Variants in STMND1 observed in about 807,000 individuals in gnomAD.
STMND1 encodes stathmin domain-containing protein 1.
In STMND1, 17 loss-of-function variants were observed where a neutral mutation model predicts 23.0. The ratio of observed to expected loss-of-function variants is 0.74; its 90% confidence interval spans 0.51 to 1.11. The LOEUF is 1.11. Ranked by LOEUF, STMND1 falls within the 50% of genes least tolerant of loss-of-function variation. The pLI is 0.00. For synonymous variants in STMND1, 114 were observed against 119.9 expected (o/e 0.95, Z 0.32); for missense variants, 305 against 329.1 (o/e 0.93, Z 0.57).
Position 17,129,713 on chromosome 6 carries a change from G to A in STMND1, c.543+470G>A, listed in dbSNP as rs375976457. On this transcript the variant is annotated intron_variant, in intron 4 of 4. Coordinates refer to ENST00000536551, the MANE Select transcript of STMND1 (RefSeq NM_001190766.2). ...CAAAAAATTAGCCGGGCGTGGTGGC[G>A]GGCGCCTGTAGTCCCAGCTACTCGG... 1.6e-3 allele frequency among the ~76,000 whole-genome samples: 238 copies of A among 152,038 alleles called. 2 individuals carry two copies. The highest frequency in any genetic ancestry group is 5.4e-3 in the African/African-American group (222 of 41,486).
intron 2 of STMND1, 98 bp downstream of exon 2, chr6:17,115,237 T>C (rs1761143279): frequency 8.3e-7 from 1 of 1,201,780 alleles, no homozygotes; most frequent in African/African-American, 1.5e-5. Flanking sequence ...TATCATTGCT[T>C]TCTGGGCCAT....
chr6:17,116,267 C>G (rs1363284560), intron 2 of STMND1, among the ~76,000 whole-genome samples: 4 of 152,064 alleles, frequency 2.6e-5, no homozygotes, highest in African/African-American at 9.7e-5. Context: ...AGTCAGCCAC[C>G]AAAGCAGATG....
chr6:17,129,141 G>A lies in STMND1; in HGVS notation c.441G>A (p.Lys147=). ...CTACGACTGAGAAGCCATTGAGAAAGCCACCTTCCAGACTGAAAAAACTCA... is the reference window on the plus strand; with the variant it reads ...CTACGACTGAGAAGCCATTGAGAAAACCACCTTCCAGACTGAAAAAACTCA... ...TLTTTEKPLR[K]PPSRLKKLKI... Residue 147 remains lysine, a synonymous_variant, in exon 4 of 5, where the codon AAG becomes AAA. Coordinates refer to ENST00000536551, the MANE Select transcript of STMND1 (RefSeq NM_001190766.2). 1 of 1,535,912 alleles carries A rather than the reference G, an allele frequency of 6.5e-7. No homozygotes were observed. Among genetic ancestry groups the A allele is most frequent in the Non-Finnish European group, 8.7e-7 (1 of 1,146,822 alleles).
intron 1 of STMND1, among the ~76,000 whole-genome samples, chr6:17,112,729 A>T (rs1393381622): frequency 6.6e-6 from 1 of 152,166 alleles, no homozygotes; most frequent in Non-Finnish European, 1.5e-5. Flanking sequence ...GTGAGCCGAG[A>T]TTGCGCCACT....
intron 1 of STMND1, among the ~76,000 whole-genome samples, chr6:17,109,989 C>T (rs975907239): frequency 3.3e-5 from 5 of 152,226 alleles, no homozygotes. Flanking sequence ...GTGCCTTCCA[C>T]TGTCTACCCC....
At chr6:17,105,978 C>T (rs1356732386) in intron 1 of STMND1, among the ~76,000 whole-genome samples, 1 of 151,802 alleles carries the variant, frequency 6.6e-6, no homozygotes, top group Non-Finnish European at 1.5e-5. Context: ...CTGTCCTGGC[C>T]CATCCTGGAG....
chr6:17,126,034 TTATATATATATATATATATA>T lies in STMND1; in HGVS notation c.412-3060_412-3041del, dbSNP rs1176278436. Among the ~76,000 whole-genome samples, 4 of 41,984 alleles carry T rather than the reference TTATATATATATATATATATA, an allele frequency of 9.5e-5. 1 individual carries two copies. The highest frequency in any genetic ancestry group is 7.9e-4 in the Admixed American group (2 of 2,546). 27.5% of individuals were successfully genotyped at this position (41,984 alleles called of 152,430 possible). ...CTCTAAGCATAAGGTGATCATTGTTTTATATATATATATATATATATATATATATATATATATTTTTTTTT... is the reference window on the plus strand; with the variant it reads ...CTCTAAGCATAAGGTGATCATTGTTTTATATATATATATATATTTTTTTTT... On this transcript the variant is annotated intron_variant, in intron 3 of 4. Coordinates refer to ENST00000536551, the MANE Select transcript of STMND1 (RefSeq NM_001190766.2).
At chr6:17,115,907 G>C (rs1382016451) in intron 2 of STMND1, among the ~76,000 whole-genome samples, 2 of 152,164 alleles carry the variant, frequency 1.3e-5, no homozygotes, top group Non-Finnish European at 2.9e-5. Flanking sequence ...GCACACTCAG[G>C]TTATCACAGA....
rs1760952886 is a variant in STMND1, at chr6:17,102,356, A to G, written c.81+18A>G. 6.5e-7 allele frequency: 1 copy of G among 1,535,356 alleles called. No individual in the cohort carries two copies. Among genetic ancestry groups the G allele is most frequent in the African/African-American group, 1.4e-5 (1 of 73,012 alleles). On this transcript the variant is annotated intron_variant, in intron 1 of 4. Transcript: ENST00000536551. ...AATTCAAGGTAATAAACAAACAAAC[A>G]AACAAACAAACAAACAGACAGAAAG...
At chr6:17,110,777 A>C (rs1561922373) in intron 1 of STMND1, 1 of 455,768 alleles carries the variant, frequency 2.2e-6, no homozygotes. Flanking sequence ...CAAAAAAATA[A>C]AAAATAGACA....
chr6:17,111,206 T>C (rs1761092930), intron 1 of STMND1, among the ~76,000 whole-genome samples: 1 of 152,152 alleles, frequency 6.6e-6, no homozygotes, highest in South Asian at 2.1e-4. Flanking sequence ...TTATGCTTTG[T>C]TTTGACCTAT....
intron 1 of STMND1, among the ~76,000 whole-genome samples, chr6:17,108,693 TTTC>T (rs1443394738): frequency 9.8e-6 from 1 of 102,428 alleles, no homozygotes; most frequent in Non-Finnish European, 2.2e-5. Context: ...TCTTTTTCTT[TTTC>T]TTTTTTTTTT....
At position 17,130,639 on chromosome 6, in the gene STMND1, T is replaced by C. The variant is rs1383832037; in HGVS notation, c.589T>C (p.Leu197=). ...AAAAAGGCTACGGAGTGACCGACTT[T>C]TGCCTTCAGCCAATCACTCAGATTC... is the stretch of plus-strand genomic sequence containing the variant. ...IRKRLRSDRL[L]PSANHSDSAE... The change falls in exon 5 of 5, where the codon TTG becomes CTG. Residue 197 remains leucine, a synonymous_variant. Transcript: ENST00000536551. 6.5e-7 allele frequency: 1 copy of C among 1,535,676 alleles called. No individual in the cohort carries two copies. Among genetic ancestry groups the C allele is most frequent in the East Asian group, 2.4e-5 (1 of 40,906 alleles).
At chr6:17,113,657 G>A (rs1284212543) in intron 1 of STMND1, among the ~76,000 whole-genome samples, 2 of 132,378 alleles carry the variant, frequency 1.5e-5, no homozygotes, top group African/African-American at 2.9e-5. Context: ...TTTTTGAGAT[G>A]GGGTTTCGCC....
intron 1 of STMND1, among the ~76,000 whole-genome samples, chr6:17,107,868 A>G (rs1761047467): frequency 1.3e-5 from 2 of 152,254 alleles, no homozygotes; most frequent in African/African-American, 4.8e-5. Context: ...TATGTAGAAT[A>G]AGAACACTGC....
At chr6:17,120,801 G>A (rs1761222594) in intron 3 of STMND1, 43 bp downstream of exon 3, 2 of 1,421,034 alleles carry the variant, frequency 1.4e-6, no homozygotes, top group East Asian at 2.5e-5. Context: ...GTTAAAATTA[G>A]CAATAGAATA....
chr6:17,127,673 T>C (rs1221979947), intron 3 of STMND1, among the ~76,000 whole-genome samples: 2 of 152,208 alleles, frequency 1.3e-5, no homozygotes, highest in Non-Finnish European at 1.5e-5. Flanking sequence ...TTTGATTTAT[T>C]TTCTTGGTAC....
intron 2 of STMND1, among the ~76,000 whole-genome samples, chr6:17,118,660 A>G (rs1280498426): frequency 6.6e-6 from 1 of 152,236 alleles, no homozygotes; most frequent in South Asian, 2.1e-4. Context: ...ACAGATGTCA[A>G]ACATGACATT....
chr6:17,112,070 T>C (rs546666060), intron 1 of STMND1, among the ~76,000 whole-genome samples: 9 of 152,216 alleles, frequency 5.9e-5, no homozygotes, highest in Non-Finnish European at 1.0e-4. Flanking sequence ...AATGTACAAT[T>C]GACAGCCATT....
Sources: gnomAD v4.1 joint callset for allele counts (sites outside exome capture counted in the v4.1 genomes callset) on GRCh38, gnomAD v4.1.1 for gene constraint, MANE v1.5 for transcripts, NCBI Gene and HGNC (gene_info 2026-07-23, HGNC 2026-07-21) for gene names.